Variants in LIMD1 observed in about 807,000 individuals in gnomAD.
LIMD1 encodes LIM domain-containing protein 1.
LIMD1 carries 23 observed loss-of-function variants against 58.4 expected under a neutral mutation model. That is an observed-to-expected ratio of 0.39 (90% CI 0.28 to 0.56). The LOEUF is 0.56. LIMD1 is among the 20% of genes least tolerant of loss of function. The pLI is 0.57. For synonymous variants in LIMD1, 334 were observed against 345.5 expected, an observed-to-expected ratio of 0.97 and a Z score of 0.37; for missense variants, 838 against 855.5, an observed-to-expected ratio of 0.98 and a Z score of 0.25.
chr3:45,664,318 C>T (rs1388916313), intron 2 of LIMD1, among the ~76,000 whole-genome samples: 1 of 152,168 alleles, frequency 6.6e-6, no homozygotes, highest in Admixed American at 6.5e-5. Flanking sequence ...ATACTAATAG[C>T]ATTTTATATG....
intron 1 of LIMD1, among the ~76,000 whole-genome samples, chr3:45,623,727 A>G (rs1184349424): frequency 6.6e-6 from 1 of 152,114 alleles, no homozygotes; most frequent in Admixed American, 6.5e-5. Context: ...GAGAGGGCAG[A>G]GGCAGGGGAT....
Position 45,677,198 on chromosome 3 carries a change from G to A in LIMD1, c.*139G>A. On this transcript the variant is annotated 3_prime_UTR_variant, in exon 8 of 8. Transcript: ENST00000273317. ...GAGTTCCTGTGAGCATGTGGGGGGT[G>A]CCTTTCCTTTAACCAGGGAGGTGAA... The A allele has an allele frequency of 1.1e-6, 1 of 919,860 alleles. No individual in the cohort carries two copies. The highest frequency in any genetic ancestry group is 1.6e-6 in the Non-Finnish European group (1 of 612,790). The allele number at this position is 919,860 out of a possible 1,614,324, so 57.0% of individuals were successfully genotyped here. A position where few individuals can be genotyped will look rare whatever the true frequency, so the allele number is the denominator to read the frequency against.
chr3:45,654,790 G>A (rs546302018), intron 2 of LIMD1, among the ~76,000 whole-genome samples: 34 of 139,686 alleles, frequency 2.4e-4, no homozygotes, highest in Non-Finnish European at 4.1e-4. Flanking sequence ...TCCAGCCTGG[G>A]TGACAGAGTA....
At position 45,666,114 on chromosome 3, in the gene LIMD1, C is replaced by T. The variant is rs527674348; in HGVS notation, c.1578+397C>T. Among the ~76,000 whole-genome samples the T allele has an allele frequency of 3.3e-5, 5 of 152,272 alleles. No individual in the cohort carries two copies. The East Asian group carries it at 9.7e-4, about 29-fold the overall frequency. ...TCCCAGACCTGAGCTCTAGCCCTGC[C>T]GCACCTCTGAGGCCAGCTGCTGGCA... On this transcript the variant is annotated intron_variant, in intron 3 of 7. Coordinates refer to ENST00000273317, the MANE Select transcript of LIMD1 (RefSeq NM_014240.3).
intron 2 of LIMD1, among the ~76,000 whole-genome samples, chr3:45,644,131 G>A (rs1040733804): frequency 3.9e-5 from 6 of 152,154 alleles, no homozygotes; most frequent in African/African-American, 1.4e-4. Context: ...ATGCCATTTT[G>A]TTACTTGAGA....
At chr3:45,633,206 C>A (rs1701753921) in intron 1 of LIMD1, among the ~76,000 whole-genome samples, 1 of 152,114 alleles carries the variant, frequency 6.6e-6, no homozygotes, top group Non-Finnish European at 1.5e-5. Context: ...CGCCACCCTC[C>A]CCTCCACAGG....
intron 2 of LIMD1, among the ~76,000 whole-genome samples, chr3:45,649,509 G>A (rs1452538790): frequency 2.0e-5 from 3 of 150,936 alleles, no homozygotes; most frequent in East Asian, 1.9e-4. Flanking sequence ...GTGAAACCCC[G>A]TCTCTACTAA....
At chr3:45,637,200 A>G (rs368167036) in intron 2 of LIMD1, among the ~76,000 whole-genome samples, 1 of 152,180 alleles carries the variant, frequency 6.6e-6, no homozygotes, top group East Asian at 1.9e-4. Flanking sequence ...AGGATTAGCT[A>G]GGAACCTCAA....
intron 1 of LIMD1, among the ~76,000 whole-genome samples, chr3:45,605,992 G>A (rs1383605995): frequency 6.6e-6 from 1 of 152,226 alleles, no homozygotes; most frequent in African/African-American, 2.4e-5. Context: ...TTGAAGGAGC[G>A]GAGGGACTTC....
At chr3:45,637,909 A>T (rs4682792) in intron 2 of LIMD1, among the ~76,000 whole-genome samples, 152,011 of 152,104 alleles carry the variant, frequency 1, 75,959 homozygotes, top group African/African-American at 1. Flanking sequence ...GGGAAAGACT[A>T]TGAGAATGTC....
rs959903262 is a variant in LIMD1 at position 45,655,680 on chromosome 3, T to C, written c.1511-9970T>C. On this transcript the variant is annotated intron_variant, in intron 2 of 7. Coordinates refer to ENST00000273317, the MANE Select transcript of LIMD1 (RefSeq NM_014240.3). ...TCTGTGTTTCAACAAACTCACCTGG[T>C]GGTTCTGAAGCATGCTAAGGTTTGA... Among the ~76,000 whole-genome samples the C allele has an allele frequency of 6.4e-4, 97 of 152,160 alleles. 1 individual carries two copies. The highest frequency in any genetic ancestry group is 1.3e-4 in the Non-Finnish European group (9 of 68,028).
At chr3:45,658,696 C>T (rs867829983) in intron 2 of LIMD1, among the ~76,000 whole-genome samples, 1 of 151,862 alleles carries the variant, frequency 6.6e-6, no homozygotes, top group Non-Finnish European at 1.5e-5. Flanking sequence ...GCTGGGACTA[C>T]AGGCATGCAC....
At chr3:45,668,752 C>CAA (rs36111259) in intron 4 of LIMD1, among the ~76,000 whole-genome samples, 1 of 142,228 alleles carries the variant, frequency 7.0e-6, no homozygotes, top group Non-Finnish European at 1.5e-5. Context: ...GACTCCACCT[C>CAA]AAAAAAAAAA....
In LIMD1 at chr3:45,609,169, G is replaced by A. The variant is rs563653973; in HGVS notation, c.1408+12882G>A. Among the ~76,000 whole-genome samples, 3 of 152,288 alleles carry A rather than the reference G, an allele frequency of 2.0e-5. No homozygotes were observed. In the South Asian group the frequency reaches 6.2e-4, roughly 32 times the overall value. ...TACCTGTTAGAGTTTTGAAGGGAGA[G>A]CTTATCTGGTGAGGACTTGGGTGAC... On this transcript the variant is annotated intron_variant, in intron 1 of 7. Transcript: ENST00000273317.
chr3:45,663,212 A>G (rs1416203971), intron 2 of LIMD1, among the ~76,000 whole-genome samples: 1 of 152,174 alleles, frequency 6.6e-6, no homozygotes, highest in Non-Finnish European at 1.5e-5. Context: ...CAATTCTCAT[A>G]TCTAGTGAAC....
intron 2 of LIMD1, among the ~76,000 whole-genome samples, chr3:45,662,983 CAAAA>C (rs200455107): frequency 7.9e-6 from 1 of 126,544 alleles, no homozygotes; most frequent in South Asian, 2.5e-4. Context: ...GACTCCGTCT[CAAAA>C]AAAAAAAACA....
intron 4 of LIMD1, among the ~76,000 whole-genome samples, chr3:45,671,684 C>T (rs970868841): frequency 1.3e-5 from 2 of 152,188 alleles, no homozygotes; most frequent in Non-Finnish European, 2.9e-5. Flanking sequence ...TATTAAAATA[C>T]CAACTGCTGG....
chr3:45,631,439 G>A (rs1374283000), intron 1 of LIMD1, among the ~76,000 whole-genome samples: 5 of 152,122 alleles, frequency 3.3e-5, no homozygotes, highest in Non-Finnish European at 5.9e-5. Flanking sequence ...TAGCCACAAG[G>A]ATGAAATCTT....
intron 1 of LIMD1, among the ~76,000 whole-genome samples, chr3:45,627,314 A>G (rs1701676691): frequency 1.3e-5 from 2 of 152,220 alleles, no homozygotes; most frequent in African/African-American, 4.8e-5. Flanking sequence ...AGCCCCTCTT[A>G]TAAGTGCAGT....
Sources: allele counts gnomAD v4.1 joint callset (sites outside exome capture counted in the v4.1 genomes callset), GRCh38; gene constraint gnomAD v4.1.1; transcripts MANE v1.5; gene names NCBI Gene and HGNC (gene_info 2026-07-23, HGNC 2026-07-21).